Variants in LRRN1 observed in about 807,000 individuals in gnomAD.
LRRN1 encodes leucine rich repeat neuronal 1.
A neutral mutation model predicts 45.8 loss-of-function variants in LRRN1; 14 were observed. The ratio of observed to expected loss-of-function variants is 0.31; its 90% confidence interval spans 0.20 to 0.48. LRRN1 has a LOEUF of 0.48. Among genes scored for constraint, LRRN1 ranks in the 20% least tolerant of loss-of-function variants. LRRN1 has a pLI of 0.99. For missense variants in LRRN1, 789 were observed against 874.2 expected (o/e 0.90, Z 1.23); for synonymous variants, 359 against 330.1 (o/e 1.09, Z -0.95).
rs1173076664 is a variant in LRRN1 at position 3,844,637 on chromosome 3, C to G, written c.-5C>G. The G allele has an allele frequency of 1.9e-6, 3 of 1,602,930 alleles. No homozygotes were observed. Among genetic ancestry groups the G allele is most frequent in the African/African-American group, 2.7e-5 (2 of 74,688 alleles). On this transcript the variant is annotated 5_prime_UTR_variant, in exon 2 of 2. Transcript: ENST00000319331. Reference sequence around the variant, plus strand: ...TCAGGAGTTGAGCTTGCTCAGCAAGCCAGCATGGCTAGGATGAGCTTTGTT... The same window carrying G: ...TCAGGAGTTGAGCTTGCTCAGCAAGGCAGCATGGCTAGGATGAGCTTTGTT...
At chr3:3,813,517 G>A (rs559393327) in intron 1 of LRRN1, among the ~76,000 whole-genome samples, 1 of 152,236 alleles carries the variant, frequency 6.6e-6, no homozygotes, top group South Asian at 2.1e-4. Flanking sequence ...CTTTATGGCA[G>A]TAAATCTTGG....
At chr3:3,822,314 A>G (rs146410833) in intron 1 of LRRN1, among the ~76,000 whole-genome samples, 8 of 152,332 alleles carry the variant, frequency 5.3e-5, no homozygotes, top group Non-Finnish European at 1.0e-4. Flanking sequence ...ACTACCCTGC[A>G]ATTAACATTA....
At chr3:3,839,584 G>C (rs1050419008) in intron 1 of LRRN1, among the ~76,000 whole-genome samples, 1 of 152,052 alleles carries the variant, frequency 6.6e-6, no homozygotes, top group Admixed American at 6.5e-5. Flanking sequence ...TAGACAGTAT[G>C]ACAATATTAA....
chr3:3,826,435 A>G (rs576792865), intron 1 of LRRN1, among the ~76,000 whole-genome samples: 6 of 152,274 alleles, frequency 3.9e-5, no homozygotes, highest in African/African-American at 1.4e-4. Context: ...AGCCAAAATT[A>G]AGAATTCCTT....
At chr3:3,800,123 C>A (rs1357377226) in intron 1 of LRRN1, among the ~76,000 whole-genome samples, 1 of 132,340 alleles carries the variant, frequency 7.6e-6, no homozygotes, top group Non-Finnish European at 1.6e-5. Context: ...GCCCCGTTTC[C>A]CCCCGTCCCC....
Position 3,800,325 on chromosome 3 carries a change from G to A in LRRN1, c.-279+406G>A, listed in dbSNP as rs1026001320. Among the ~76,000 whole-genome samples, 9 of 152,090 alleles carry A rather than the reference G, an allele frequency of 5.9e-5. 1 individual carries two copies. Among genetic ancestry groups the A allele is most frequent in the Admixed American group, 2.0e-4 (3 of 15,278 alleles). On this transcript the variant is annotated intron_variant, in intron 1 of 1. Transcript: ENST00000319331. Reference sequence around the variant, plus strand: ...ATGTGAACCGGGGAAGGCAGCTGGGGCTGGAGAGCAGCGCGGAAAGGGGGC... The same window carrying A: ...ATGTGAACCGGGGAAGGCAGCTGGGACTGGAGAGCAGCGCGGAAAGGGGGC...
chr3:3,840,557 A>G (rs1393378746), intron 1 of LRRN1, among the ~76,000 whole-genome samples: 1 of 152,200 alleles, frequency 6.6e-6, no homozygotes, highest in African/African-American at 2.4e-5. Flanking sequence ...GAAATTTGCT[A>G]AAGAGAATTC....
chr3:3,814,854 C>A (rs1039013880), intron 1 of LRRN1, among the ~76,000 whole-genome samples: 9 of 152,150 alleles, frequency 5.9e-5, no homozygotes, highest in Admixed American at 3.3e-4. Context: ...TTGGACTTCC[C>A]AGCCTCCAGA....
At chr3:3,815,203 T>C (rs539711285) in intron 1 of LRRN1, among the ~76,000 whole-genome samples, 1 of 152,268 alleles carries the variant, frequency 6.6e-6, no homozygotes, top group African/African-American at 2.4e-5. Flanking sequence ...CTGACGCCTT[T>C]ACACCAGTGT....
chr3:3,840,792 G>A (rs903547047), intron 1 of LRRN1, among the ~76,000 whole-genome samples: 2 of 152,102 alleles, frequency 1.3e-5, no homozygotes, highest in Admixed American at 6.5e-5. Flanking sequence ...AAAAAGGTAT[G>A]TGTGTATGTC....
At chr3:3,827,404 G>A (rs753178098) in intron 1 of LRRN1, 24 of 456,286 alleles carry the variant, frequency 5.3e-5, no homozygotes, top group Non-Finnish European at 9.7e-5. Context: ...AGGGACAGGA[G>A]GATCCTTCTG....
intron 1 of LRRN1, among the ~76,000 whole-genome samples, chr3:3,802,677 T>A (rs1175648606): frequency 6.6e-6 from 1 of 152,232 alleles, no homozygotes; most frequent in Non-Finnish European, 1.5e-5. Context: ...AGTTTGCATT[T>A]TGTGTCTTAG....
At chr3:3,835,841 G>C (rs2106466736) in intron 1 of LRRN1, among the ~76,000 whole-genome samples, 1 of 151,878 alleles carries the variant, frequency 6.6e-6, no homozygotes, top group South Asian at 2.1e-4. Context: ...ACTCAGAACA[G>C]AGTGTCCCAA....
At chr3:3,822,281 C>G (rs1693120015) in intron 1 of LRRN1, among the ~76,000 whole-genome samples, 1 of 152,176 alleles carries the variant, frequency 6.6e-6, no homozygotes, top group Admixed American at 6.5e-5. Context: ...TGCTGTTACT[C>G]TTACAACTAC....
chr3:3,802,513 G>A (rs547940083), intron 1 of LRRN1, among the ~76,000 whole-genome samples: 2 of 152,294 alleles, frequency 1.3e-5, no homozygotes, highest in African/African-American at 2.4e-5. Flanking sequence ...TCAGTGTTTC[G>A]GGGGAGGGGT....
intron 1 of LRRN1, among the ~76,000 whole-genome samples, chr3:3,823,311 A>G (rs1282663224): frequency 1.3e-5 from 2 of 151,996 alleles, no homozygotes; most frequent in African/African-American, 4.8e-5. Flanking sequence ...CTAGATGTGT[A>G]CCTTGAGCAG....
Position 3,846,017 on chromosome 3 carries a change from G to T in LRRN1, c.1376G>T (p.Trp459Leu). 6.2e-7 allele frequency: 1 copy of T among 1,613,854 alleles called. No individual in the cohort carries two copies. Among genetic ancestry groups the T allele is most frequent in the Non-Finnish European group, 8.5e-7 (1 of 1,179,838 alleles). The change falls in exon 2 of 2, where the codon TGG (tryptophan) becomes TTG (leucine). Residue 459 changes from tryptophan to leucine, a missense_variant. Trp to Leu is a moderately conservative substitution (Grantham distance 61, BLOSUM62 -2). Transcript: ENST00000319331. The surrounding 1 kb of genome is among the most constrained non-coding windows in gnomAD (Gnocchi z 5.7). ...GCTGAGCCAGAACCTGAAATTTACT[G>T]GGTCACTCCCATTGGAAATAAGATA... ...AMAEPEPEIYWVTPIGNKITV... is the reference protein window; with the variant it reads ...AMAEPEPEIYLVTPIGNKITV...
chr3:3,845,669 T>C lies in LRRN1; in HGVS notation c.1028T>C (p.Met343Thr). Residue 343 changes from methionine (M) to threonine (T), a missense_variant, in exon 2 of 2, where the codon ATG becomes ACG. Physicochemically the swap from Met to Thr is moderately conservative, Grantham distance 81 (BLOSUM62 -1). Transcript: ENST00000319331. This position sits in a 1 kb window ranked among gnomAD's most constrained non-coding sequence, Gnocchi z 6.5. ...FRSVPALESL[M>T]LNNNALNAIY... is the part of the protein sequence containing the mutation. The stretch of plus-strand genomic sequence containing the variant: ...AGTGTCCCTGCTCTGGAAAGCTTGA[T>C]GCTGAACAACAATGCCTTGAATGCC... The C allele has an allele frequency of 6.2e-7, 1 of 1,614,042 alleles. No individual in the cohort carries two copies. The highest frequency in any genetic ancestry group is 8.5e-7 in the Non-Finnish European group (1 of 1,180,018).
intron 1 of LRRN1, among the ~76,000 whole-genome samples, chr3:3,807,666 G>C (rs1575279073): frequency 6.6e-6 from 1 of 152,182 alleles, no homozygotes; most frequent in African/African-American, 2.4e-5. Context: ...TTCATTCTCT[G>C]TGGTTTCCAG....
Sources: gnomAD v4.1 joint callset for allele counts (sites outside exome capture counted in the v4.1 genomes callset) on GRCh38, gnomAD v4.1.1 for gene constraint, Gnocchi (gnomAD v3.1) non-coding constraint, MANE v1.5 for transcripts, NCBI Gene and HGNC (gene_info 2026-07-23, HGNC 2026-07-21) for gene names.